Variants in DOCK8 observed in about 807,000 individuals in gnomAD.
The protein encoded by DOCK8 is dedicator of cytokinesis protein 8.
In DOCK8, 141 loss-of-function variants were observed where a neutral mutation model predicts 245.6. That is an observed-to-expected ratio of 0.57 (90% CI 0.50 to 0.66). The LOEUF is 0.66. Among genes scored for constraint, DOCK8 ranks in the 30% least tolerant of loss-of-function variants. The pLI is 0.00. For missense variants in DOCK8, 2,965 were observed against 2,603.4 expected, an observed-to-expected ratio of 1.14 and a Z score of -3.02; for synonymous variants, 1,168 against 970.2, an observed-to-expected ratio of 1.20 and a Z score of -3.79.
Position 325,655 on chromosome 9 carries a change from T to C in DOCK8, c.828-16T>C, listed in dbSNP as rs1199509211. On this transcript the variant is annotated splice_polypyrimidine_tract_variant and intron_variant, in intron 7 of 47. Transcript: ENST00000432829. ...TAACTCAAAGCCACATAGATTTTCC[T>C]CTCTTTCTATGGTAGGTTCGAGATT... is the stretch of plus-strand genomic sequence containing the variant. The C allele has an allele frequency of 1.2e-6, 2 of 1,611,716 alleles. No homozygotes were observed. The highest frequency in any genetic ancestry group is 1.7e-6 in the Non-Finnish European group (2 of 1,177,774).
intron 28 of DOCK8, among the ~76,000 whole-genome samples, chr9:409,559 A>G (rs2055613066): frequency 6.6e-6 from 1 of 152,120 alleles, no homozygotes; most frequent in South Asian, 2.1e-4. Context: ...ATATATATGT[A>G]TATATTTTTT....
At position 215,043 on chromosome 9, in the gene DOCK8, C is replaced by A. The variant is rs756810591; in HGVS notation, c.53+14C>A. ...CAAGATCAACAGGTAAGACGCCCCC[C>A]GCGGCGCGCAGGTTGCGGCCGGACA... is the stretch of plus-strand genomic sequence containing the variant. On this transcript the variant is annotated intron_variant, in intron 1 of 47. Coordinates refer to ENST00000432829, the MANE Select transcript of DOCK8 (RefSeq NM_203447.4). 1.6e-5 allele frequency: 25 copies of A among 1,570,676 alleles called. No individual in the cohort carries two copies. The highest frequency in any genetic ancestry group is 2.8e-5 in the African/African-American group (2 of 72,064).
Position 414,942 on chromosome 9 carries a change from G to C in DOCK8, c.3691G>C (p.Asp1231His), listed in dbSNP as rs747145872. ...TTTGGATGCTTTGCCACAGCTCTGT[G>C]ACTTTACAGGTAATGGCCCTTCTGT... ...IILDALPQLC[D>H]FTVADTRRYR... is the part of the protein sequence containing the mutation. The change falls in exon 29 of 48, where the codon GAC (aspartate) becomes CAC (histidine). Residue 1231 changes from aspartate (D) to histidine (H), a missense_variant. By Grantham distance (81) the Asp-to-His change is moderately conservative. Transcript: ENST00000432829. 1 of 1,613,412 alleles carries C rather than the reference G, an allele frequency of 6.2e-7. No individual in the cohort carries two copies. Among genetic ancestry groups the C allele is most frequent in the African/African-American group, 1.3e-5 (1 of 74,894 alleles).
intron 1 of DOCK8, among the ~76,000 whole-genome samples, chr9:262,281 A>G (rs1302487338): frequency 6.6e-6 from 1 of 151,918 alleles, no homozygotes; most frequent in Non-Finnish European, 1.5e-5. Context: ...AACACTGATT[A>G]TGGGAGTATA....
In DOCK8 at chr9:218,580, C is replaced by T. The variant is rs1045695464; in HGVS notation, c.53+3551C>T. Among the ~76,000 whole-genome samples the T allele has an allele frequency of 2.6e-5, 4 of 152,094 alleles. No homozygotes were observed. In the East Asian group the frequency reaches 7.7e-4, roughly 29 times the overall value. Reference sequence around the variant, plus strand: ...CATGGTACTTGTGGGAACATCTAGTCTTGTTAATTGCCTTTTTTCTTACTG... The same window carrying T: ...CATGGTACTTGTGGGAACATCTAGTTTTGTTAATTGCCTTTTTTCTTACTG... On this transcript the variant is annotated intron_variant, in intron 1 of 47. Transcript: ENST00000432829.
At position 420,940 on chromosome 9, in the gene DOCK8, C is replaced by G. The variant is rs535622027; in HGVS notation, c.4024-9C>G. ...AAAGGACATGTCCTCCTACCTCTGT[C>G]TTGTCCAGGGAAAACAGAGTTCTGA... On this transcript the variant is annotated splice_polypyrimidine_tract_variant and intron_variant, in intron 31 of 47. Coordinates refer to ENST00000432829, the MANE Select transcript of DOCK8 (RefSeq NM_203447.4). The G allele has an allele frequency of 1.4e-5, 23 of 1,614,180 alleles. No individual in the cohort carries two copies. Among genetic ancestry groups the G allele is most frequent in the Middle Eastern group, 1.6e-4 (1 of 6,062 alleles).
chr9:389,694 T>G (rs781467750), intron 23 of DOCK8, among the ~76,000 whole-genome samples: 1 of 152,108 alleles, frequency 6.6e-6, no homozygotes, highest in Non-Finnish European at 1.5e-5. Context: ...CCCCCCAGTC[T>G]GTGTTTCATC....
In DOCK8 at chr9:463,734, C is replaced by T. The variant is rs547745654; in HGVS notation, c.6239+47C>T. 114 of 1,608,036 alleles carry T rather than the reference C, an allele frequency of 7.1e-5. No individual in the cohort carries two copies. In the East Asian group the frequency reaches 1.3e-3, roughly 19 times the overall value. ...CCTCTTCCTGTGGGATAAAGAGCAG[C>T]GCATGGGGCCTAGCACCTTGGGGCA... On this transcript the variant is annotated intron_variant, in intron 47 of 47. Coordinates refer to ENST00000432829, the MANE Select transcript of DOCK8 (RefSeq NM_203447.4).
intron 14 of DOCK8, among the ~76,000 whole-genome samples, chr9:360,010 A>G (rs1015561885): frequency 1.3e-5 from 2 of 152,106 alleles, no homozygotes; most frequent in South Asian, 2.1e-4. Flanking sequence ...TTGTGTTTCA[A>G]GCTGTTAAAA....
At chr9:434,049 G>T in intron 38 of DOCK8, 74 bp downstream of exon 38, 1 of 1,044,100 alleles carries the variant, frequency 9.6e-7, no homozygotes, top group South Asian at 1.3e-5. Context: ...TCTTACTAAT[G>T]TAATGATCAC....
At chr9:324,268 A>T (rs923687332) in intron 7 of DOCK8, among the ~76,000 whole-genome samples, 1 of 152,214 alleles carries the variant, frequency 6.6e-6, no homozygotes, top group Admixed American at 6.5e-5. Flanking sequence ...ATATTCTTCT[A>T]AAAAGTCCTC....
intron 2 of DOCK8, among the ~76,000 whole-genome samples, chr9:272,187 T>A (rs2048182383): frequency 6.6e-6 from 1 of 151,968 alleles, no homozygotes; most frequent in South Asian, 2.1e-4. Flanking sequence ...TACAATTTGG[T>A]GAACTTGGGC....
At chr9:426,744 T>C in intron 33 of DOCK8, 141 bp from the exon 34 acceptor site, 1 of 717,068 alleles carries the variant, frequency 1.4e-6, no homozygotes, top group South Asian at 1.5e-5. Flanking sequence ...TGCACTGTAG[T>C]TACTCAGGGC....
intron 6 of DOCK8, 94 bp downstream of exon 6, chr9:312,260 C>A: frequency 6.9e-7 from 1 of 1,442,878 alleles, no homozygotes; most frequent in Non-Finnish European, 9.6e-7. Flanking sequence ...TATAGCAGCC[C>A]ATGGTGTCAG....
At chr9:252,936 T>C (rs1013975635) in intron 1 of DOCK8, among the ~76,000 whole-genome samples, 1 of 152,202 alleles carries the variant, frequency 6.6e-6, no homozygotes, top group Non-Finnish European at 1.5e-5. Flanking sequence ...ATGGATGAAG[T>C]TGGTCCTAGG....
intron 14 of DOCK8, among the ~76,000 whole-genome samples, chr9:361,518 G>A (rs2052729441): frequency 6.6e-6 from 1 of 152,132 alleles, no homozygotes; most frequent in African/African-American, 2.4e-5. Context: ...TTACAGATGA[G>A]GAGATTGACT....
At chr9:325,098 A>C (rs1431223434) in intron 7 of DOCK8, among the ~76,000 whole-genome samples, 1 of 150,818 alleles carries the variant, frequency 6.6e-6, no homozygotes, top group East Asian at 2.0e-4. Context: ...TTCACTCAGA[A>C]TAACAACCCC....
At chr9:248,223 T>C (rs532196641) in intron 1 of DOCK8, among the ~76,000 whole-genome samples, 5 of 152,358 alleles carry the variant, frequency 3.3e-5, no homozygotes, top group Non-Finnish European at 7.4e-5. Flanking sequence ...CTCAGGTCTC[T>C]TGTTTTGCCT....
chr9:423,966 G>C (rs2056382998), intron 33 of DOCK8, among the ~76,000 whole-genome samples: 1 of 152,014 alleles, frequency 6.6e-6, no homozygotes, highest in African/African-American at 2.4e-5. Flanking sequence ...TGGCCTACCG[G>C]TTTGCTCTAG....
Sources: gnomAD v4.1 joint callset for allele counts (sites outside exome capture counted in the v4.1 genomes callset) on GRCh38, gnomAD v4.1.1 for gene constraint, MANE v1.5 for transcripts, NCBI Gene and HGNC (gene_info 2026-07-23, HGNC 2026-07-21) for gene names.